AGMO: variants seen among roughly 807,000 people sequenced by gnomAD.
AGMO encodes the protein glyceryl-ether monooxygenase.
In AGMO, 75 loss-of-function variants were observed where a neutral mutation model predicts 60.2. The observed-to-expected ratio is 1.25, with a 90% confidence interval of 1.03 to 1.51. The LOEUF is 1.51. AGMO is among the 40% of genes most tolerant of loss of function. The pLI, the probability that AGMO is intolerant of heterozygous loss-of-function variation, is 0.00. For synonymous variants in AGMO, 261 were observed against 177.1 expected (o/e 1.47, Z -3.76); for missense variants, 763 against 525.5 (o/e 1.45, Z -4.42).
At chr7:15,460,615 T>G (rs898393537) in intron 3 of AGMO, among the ~76,000 whole-genome samples, 1 of 152,112 alleles carries the variant, frequency 6.6e-6, no homozygotes. Flanking sequence ...ATTAATGAGA[T>G]ATAATAAATT....
At chr7:15,443,104 A>T (rs947222005) in intron 3 of AGMO, among the ~76,000 whole-genome samples, 1 of 152,236 alleles carries the variant, frequency 6.6e-6, no homozygotes, top group African/African-American at 2.4e-5. Context: ...CTCATTGTCC[A>T]AGTCCACGTG....
At chr7:15,422,037 A>C (rs1048766783) in intron 4 of AGMO, among the ~76,000 whole-genome samples, 5 of 152,018 alleles carry the variant, frequency 3.3e-5, no homozygotes, top group African/African-American at 4.8e-5. Context: ...TGTCCAAGTG[A>C]GATAGGAACT....
chr7:15,438,067 A>G (rs1336682365), intron 3 of AGMO, among the ~76,000 whole-genome samples: 1 of 152,178 alleles, frequency 6.6e-6, no homozygotes, highest in Non-Finnish European at 1.5e-5. Context: ...TTGTGTGACA[A>G]TATTCTCAAC....
At chr7:15,177,555 G>A in the AGMO span, among the ~76,000 whole-genome samples, 2 of 152,050 alleles carry the variant, frequency 1.3e-5, no homozygotes, top group East Asian at 1.9e-4. Context: ...TGGTAGGAAA[G>A]TAACAGGATC....
intron 3 of AGMO, among the ~76,000 whole-genome samples, chr7:15,520,120 A>G (rs1470165283): frequency 6.6e-6 from 1 of 152,196 alleles, no homozygotes; most frequent in East Asian, 1.9e-4. Flanking sequence ...TATAATGGTA[A>G]AGGCATCAAT....
chr7:15,386,665 T>A (rs975622991), intron 9 of AGMO, among the ~76,000 whole-genome samples: 3 of 152,200 alleles, frequency 2.0e-5, no homozygotes, highest in Non-Finnish European at 2.9e-5. Context: ...CCTTGAAACA[T>A]CACAGGCTAA....
intron 3 of AGMO, among the ~76,000 whole-genome samples, chr7:15,493,725 C>T (rs943417563): frequency 6.6e-6 from 1 of 152,106 alleles, no homozygotes; most frequent in African/African-American, 2.4e-5. Context: ...GCCTCATGCC[C>T]CTTTACCCCT....
intron 5 of AGMO, 96 bp from the exon 6 acceptor site, chr7:15,394,275 A>C: frequency 1.0e-6 from 1 of 955,566 alleles, no homozygotes; most frequent in Non-Finnish European, 1.6e-6. Context: ...AAATTAAGAG[A>C]TATTGCGAAT....
At chr7:15,521,874 AG>A (rs1487311719) in intron 3 of AGMO, among the ~76,000 whole-genome samples, 4 of 152,204 alleles carry the variant, frequency 2.6e-5, no homozygotes, top group Non-Finnish European at 5.9e-5. Context: ...AAAGAAATAA[AG>A]GGTATTCAAA....
chr7:15,483,483 G>C (rs1315759937), intron 3 of AGMO, among the ~76,000 whole-genome samples: 2 of 152,022 alleles, frequency 1.3e-5, no homozygotes, highest in Non-Finnish European at 2.9e-5. Context: ...GGAGAATGGC[G>C]TGAACCCGGG....
the AGMO span, among the ~76,000 whole-genome samples, chr7:15,158,185 A>T: frequency 5.9e-5 from 9 of 152,184 alleles, no homozygotes; most frequent in African/African-American, 1.7e-4. Flanking sequence ...CCTAGGCACC[A>T]TACCTACCGT....
chr7:15,155,269 A>G, the AGMO span, among the ~76,000 whole-genome samples: 2 of 151,790 alleles, frequency 1.3e-5, no homozygotes, highest in Admixed American at 6.6e-5. Flanking sequence ...ACATAATCCT[A>G]TATTTCCTGG....
rs553780568 is a variant in AGMO, at chr7:15,218,010, T to A, written c.1264-16651A>T. Among the ~76,000 whole-genome samples the A allele has an allele frequency of 5.3e-5, 8 of 152,102 alleles. No homozygotes were observed. In the South Asian group the frequency reaches 1.2e-3, roughly 24 times the overall value. ...TAAAACTAAATGACAACGAATATACTGCATATCAAAATTGAGGGATACAAG... is the reference window on the plus strand; with the variant it reads ...TAAAACTAAATGACAACGAATATACAGCATATCAAAATTGAGGGATACAAG... On this transcript the variant is annotated intron_variant, in intron 12 of 12. Coordinates refer to ENST00000342526, the MANE Select transcript of AGMO (RefSeq NM_001004320.2).
At chr7:15,230,408 G>A (rs1445886972) in intron 12 of AGMO, among the ~76,000 whole-genome samples, 1 of 152,026 alleles carries the variant, frequency 6.6e-6, no homozygotes, top group Non-Finnish European at 1.5e-5. Flanking sequence ...TTGAATCTAG[G>A]CAATTACAAA....
the AGMO span, among the ~76,000 whole-genome samples, chr7:15,118,721 G>C: frequency 0.039 from 5,881 of 151,950 alleles, 138 homozygotes; most frequent in Non-Finnish European, 0.054. Flanking sequence ...AATATGACTA[G>C]ATAAGTAAAC....
At position 15,214,828 on chromosome 7, in the gene AGMO, C is replaced by A. The variant is rs182562466; in HGVS notation, c.1264-13469G>T. ...AATAGCTTAAATGCACAAATGATGTCATTCTACTTTATCTTAATACACAGA... is the reference window on the plus strand; with the variant it reads ...AATAGCTTAAATGCACAAATGATGTAATTCTACTTTATCTTAATACACAGA... On this transcript the variant is annotated intron_variant, in intron 12 of 12. Transcript: ENST00000342526. Among the ~76,000 whole-genome samples the A allele has an allele frequency of 3.9e-5, 6 of 152,128 alleles. No homozygotes were observed. In the East Asian group the frequency reaches 7.7e-4, roughly 20 times the overall value.
intron 6 of AGMO, among the ~76,000 whole-genome samples, chr7:15,392,949 G>A (rs1483058076): frequency 6.6e-6 from 1 of 152,238 alleles, no homozygotes; most frequent in African/African-American, 2.4e-5. Context: ...TACAAAGCCT[G>A]TTTCCTAAGT....
intron 12 of AGMO, among the ~76,000 whole-genome samples, chr7:15,280,631 T>A (rs1419138633): frequency 1.3e-5 from 2 of 152,230 alleles, no homozygotes; most frequent in African/African-American, 4.8e-5. Context: ...TTGCTACTAC[T>A]GCAGCTGGTG....
At position 15,374,943 on chromosome 7, in the gene AGMO, G is replaced by A. The variant is rs1025238505; in HGVS notation, c.1075-8721C>T. On this transcript the variant is annotated intron_variant, in intron 10 of 12. Coordinates refer to ENST00000342526, the MANE Select transcript of AGMO (RefSeq NM_001004320.2). The stretch of plus-strand genomic sequence containing the variant: ...GTGATACCCTGAAGAAATTATCCAA[G>A]GGCAAAAAAGGATCAGAGTTACAAT... 2.6e-5 allele frequency among the ~76,000 whole-genome samples: 4 copies of A among 151,910 alleles called. 1 individual carries two copies. The highest frequency in any genetic ancestry group is 9.7e-5 in the African/African-American group (4 of 41,336).
Sources: gnomAD v4.1 joint callset for allele counts (sites outside exome capture counted in the v4.1 genomes callset) on GRCh38, gnomAD v4.1.1 for gene constraint, MANE v1.5 for transcripts, NCBI Gene and HGNC (gene_info 2026-07-23, HGNC 2026-07-21) for gene names.